Variants in LY6K observed in about 807,000 individuals in gnomAD.
LY6K encodes lymphocyte antigen 6 family member K.
In LY6K, 9 loss-of-function variants were observed where a neutral mutation model predicts 10.4. The observed-to-expected ratio is 0.87, with a 90% confidence interval of 0.52 to 1.52. The LOEUF is 1.52. Ranked by LOEUF, LY6K falls within the 40% of genes most tolerant of loss-of-function variation. The pLI is 0.00. For synonymous variants in LY6K, 98 were observed against 83.7 expected (o/e 1.17, Z -0.94); for missense variants, 217 against 211.7 (o/e 1.02, Z -0.15).
intron 2 of LY6K, chr8:142,702,394 A>T: frequency 1.7e-6 from 2 of 1,189,600 alleles, no homozygotes; most frequent in Non-Finnish European, 2.4e-6. Context: ...ATGCCTTAAA[A>T]ATTGTGGAGA....
intron 1 of LY6K, 69 bp downstream of exon 1, chr8:142,700,699 G>A (rs868970009): frequency 2.2e-6 from 3 of 1,351,080 alleles, no homozygotes; most frequent in African/African-American, 3.1e-5. Flanking sequence ...GCCTGGCACC[G>A]CGTGGCCACC....
In LY6K at chr8:142,703,385, CACAG is replaced by C; in HGVS notation, c.*17_*20del. ...AGCCTGTCTTGAGCCACGGGACTGC[CACAG>C]ACTGAGCCTTCCGGAGCATGGACTC... On this transcript the variant is annotated 3_prime_UTR_variant, in exon 3 of 3. Coordinates refer to ENST00000292430, the MANE Select transcript of LY6K (RefSeq NM_017527.4). The C allele has an allele frequency of 6.2e-7, 1 of 1,601,346 alleles. No homozygotes were observed. The highest frequency in any genetic ancestry group is 1.1e-5 in the South Asian group (1 of 90,566).
intron 1 of LY6K, among the ~76,000 whole-genome samples, 178 bp from the exon 2 acceptor site, chr8:142,701,422 C>T (rs1402165011): frequency 1.3e-5 from 2 of 152,144 alleles, no homozygotes; most frequent in Non-Finnish European, 2.9e-5. Context: ...CTTACGTGGC[C>T]GGAGACCCCT....
chr8:142,702,951 G>C lies in LY6K; in HGVS notation c.218-140G>C, dbSNP rs144856171. Reference sequence around the variant, plus strand: ...ACACAGGCCTGGCCCTCGTCCTCCCGACTCCCCCTTGGTGCCCCAGTTGAC... The same window carrying C: ...ACACAGGCCTGGCCCTCGTCCTCCCCACTCCCCCTTGGTGCCCCAGTTGAC... On this transcript the variant is annotated intron_variant, in intron 2 of 2. Transcript: ENST00000292430. The C allele has an allele frequency of 9.1e-5, 141 of 1,551,740 alleles. 1 individual carries two copies. In the African/African-American group the frequency reaches 1.7e-3, roughly 19 times the overall value.
chr8:142,702,881 G>C, intron 2 of LY6K: 1 of 1,548,478 alleles, frequency 6.5e-7, no homozygotes, highest in Non-Finnish European at 8.7e-7. Context: ...ATATGGACAG[G>C]CCATACCACG....
rs1459637671 is a variant in LY6K at position 142,703,488 on chromosome 8, C to A, written c.*117C>A. On this transcript the variant is annotated 3_prime_UTR_variant, in exon 3 of 3. Transcript: ENST00000292430. The stretch of plus-strand genomic sequence containing the variant: ...ACCTCTTGGTTTGACTTCCCAGGGT[C>A]TTGGGATGGGAGAGTGGGGATCAGG... 7.8e-7 allele frequency: 1 copy of A among 1,282,268 alleles called. No homozygotes were observed. The highest frequency in any genetic ancestry group is 1.1e-6 in the Non-Finnish European group (1 of 949,502). The allele number at this position is 1,282,268 out of a possible 1,614,324, so 79.4% of individuals were successfully genotyped here. A position where few individuals can be genotyped will look rare whatever the true frequency, so the allele number is the denominator to read the frequency against.
chr8:142,702,734 A>G, intron 2 of LY6K: 5 of 1,490,188 alleles, frequency 3.4e-6, no homozygotes, highest in Non-Finnish European at 4.5e-6. Flanking sequence ...GGCCAGCTCC[A>G]CACCCTGGGT....
rs2129913432 is a variant in LY6K, at chr8:142,700,357, A to G, written c.-171A>G. Reference sequence around the variant, plus strand: ...CCAGCGGCCGCGAGGCCCTGAGATGAGGCTCCAAAGACCCCGACAGGCCCC... The same window carrying G: ...CCAGCGGCCGCGAGGCCCTGAGATGGGGCTCCAAAGACCCCGACAGGCCCC... On this transcript the variant is annotated 5_prime_UTR_variant, in exon 1 of 3. Coordinates refer to ENST00000292430, the MANE Select transcript of LY6K (RefSeq NM_017527.4). 5 of 1,326,506 alleles carry G rather than the reference A, an allele frequency of 3.8e-6. No individual in the cohort carries two copies. The highest frequency in any genetic ancestry group is 3.2e-5 in the East Asian group (1 of 31,064). 82.2% of individuals were successfully genotyped at this position (1,326,506 alleles called of 1,614,324 possible). A position where few individuals can be genotyped will look rare whatever the true frequency, so the allele number is the denominator to read the frequency against.
Position 142,702,151 on chromosome 8 carries a change from CAGAG to C in LY6K, c.217+443_217+446del, listed in dbSNP as rs781804000. On this transcript the variant is annotated intron_variant, in intron 2 of 2. Transcript: ENST00000292430. ...TGTGAAGAGCAAAGTCCTCAGAGGC[CAGAG>C]AGAGGTGTAGGAACTGTGCTAGTGT... is the stretch of plus-strand genomic sequence containing the variant. The C allele has an allele frequency of 3.3e-5, 11 of 329,834 alleles. No homozygotes were observed. The South Asian group carries it at 5.5e-4, about 17-fold the overall frequency. The allele number at this position is 329,834 out of a possible 1,614,324, so 20.4% of individuals were successfully genotyped here.
chr8:142,700,735 G>A (rs1814978805), intron 1 of LY6K, 105 bp downstream of exon 1: 14 of 1,199,416 alleles, frequency 1.2e-5, no homozygotes, highest in Non-Finnish European at 1.4e-5. Context: ...TGAGAACGGA[G>A]CGTTCAGGCG....
At chr8:142,701,518 T>C in intron 1 of LY6K, 82 bp from the exon 2 acceptor site, 1 of 913,780 alleles carries the variant, frequency 1.1e-6, no homozygotes, top group Middle Eastern at 2.1e-4. Flanking sequence ...GCCGAGTTTG[T>C]GCTGGTCGGA....
At position 142,703,315 on chromosome 8, in the gene LY6K, T is replaced by C. The variant is rs1815119555; in HGVS notation, c.442T>C (p.Trp148Arg). The stretch of plus-strand genomic sequence containing the variant: ...CATGGGTGAGAGCTGTGGTGGGCTG[T>C]GGCTGGCCATCCTCCTGCTGCTGGC... ...GSMGESCGGL[W>R]LAILLLLASI... The change falls in exon 3 of 3, where the codon TGG (tryptophan) becomes CGG (arginine). Residue 148 changes from tryptophan to arginine, a missense_variant. Physicochemically the swap from Trp to Arg is moderately radical, Grantham distance 101. Transcript: ENST00000292430. 5 of 1,613,224 alleles carry C rather than the reference T, an allele frequency of 3.1e-6. No homozygotes were observed. The Admixed American group carries it at 6.7e-5, about 22-fold the overall frequency.
At chr8:142,701,385 G>A (rs1356109204) in intron 1 of LY6K, among the ~76,000 whole-genome samples, 1 of 152,308 alleles carries the variant, frequency 6.6e-6, no homozygotes, top group Non-Finnish European at 1.5e-5. Flanking sequence ...ACAATCATGG[G>A]GGAAGGCGAA....
At chr8:142,701,734 T>C in intron 2 of LY6K, 21 bp downstream of exon 2, 1 of 1,548,548 alleles carries the variant, frequency 6.5e-7, no homozygotes, top group African/African-American at 1.4e-5. Flanking sequence ...TCGCTCTTGT[T>C]GGGGACCCAA....
chr8:142,701,453 C>G, intron 1 of LY6K, 147 bp from the exon 2 acceptor site: 1 of 633,662 alleles, frequency 1.6e-6, no homozygotes, highest in South Asian at 1.8e-5. Context: ...CCCCATGCGG[C>G]TCACTCGAGT....
At chr8:142,702,935 T>G (rs1407551284) in intron 2 of LY6K, 156 bp from the exon 3 acceptor site, 2 of 1,550,572 alleles carry the variant, frequency 1.3e-6, no homozygotes, top group Non-Finnish European at 1.7e-6. Flanking sequence ...CACACAGGCC[T>G]GGCCCTCGTC....
chr8:142,702,678 C>A, intron 2 of LY6K: 2 of 1,514,348 alleles, frequency 1.3e-6, no homozygotes, highest in South Asian at 2.4e-5. Flanking sequence ...GAAGTGTGGT[C>A]ATGAGACAAG....
At position 142,701,652 on chromosome 8, in the gene LY6K, C is replaced by G. The variant is rs986610034; in HGVS notation, c.156C>G (p.Phe52Leu). Reference protein sequence around the residue: ...WCHVCERENTFECQNPRRCKW... With the variant: ...WCHVCERENTLECQNPRRCKW... ...ATGTTTGTGAGAGAGAAAACACTTT[C>G]GAGTGCCAGAACCCAAGGAGGTGCA... Residue 52 changes from phenylalanine (F) to leucine (L), a missense_variant, in exon 2 of 3, where the codon TTC (phenylalanine) becomes TTG (leucine). Coordinates refer to ENST00000292430, the MANE Select transcript of LY6K (RefSeq NM_017527.4). The G allele has an allele frequency of 6.8e-6, 11 of 1,613,916 alleles. No homozygotes were observed. Among genetic ancestry groups the G allele is most frequent in the South Asian group, 4.4e-5 (4 of 91,070 alleles).
Position 142,703,130 on chromosome 8 carries a change from C to T in LY6K, c.257C>T (p.Ser86Phe). The change falls in exon 3 of 3, where the codon TCC (serine) becomes TTC (phenylalanine). Residue 86 changes from serine to phenylalanine, a missense_variant. Physicochemically the swap from Ser to Phe is radical, Grantham distance 155. Transcript: ENST00000292430. Reference sequence around the variant, plus strand: ...TTTTTCATGGTTGCGAAGCAGTGCTCCGCTGGTTGTGCAGCGATGGAGAGA... The same window carrying T: ...TTTTTCATGGTTGCGAAGCAGTGCTTCGCTGGTTGTGCAGCGATGGAGAGA... ...PRFFMVAKQC[S>F]AGCAAMERPK... 6.2e-7 allele frequency: 1 copy of T among 1,614,206 alleles called. No individual in the cohort carries two copies. Among genetic ancestry groups the T allele is most frequent in the Non-Finnish European group, 8.5e-7 (1 of 1,180,018 alleles).
Sources: gnomAD v4.1 joint callset for allele counts (sites outside exome capture counted in the v4.1 genomes callset) on GRCh38, gnomAD v4.1.1 for gene constraint, MANE v1.5 for transcripts, NCBI Gene and HGNC (gene_info 2026-07-23, HGNC 2026-07-21) for gene names.